Variants in RALGAPA2 observed in about 807,000 individuals in gnomAD.
RALGAPA2 encodes the protein Ral GTPase activating protein catalytic subunit alpha 2.
Under a neutral mutation model 230.4 loss-of-function variants are expected in RALGAPA2, and 139 were observed. The ratio of observed to expected loss-of-function variants is 0.60; its 90% confidence interval spans 0.53 to 0.69. The LOEUF is 0.69. RALGAPA2 is among the 30% of genes least tolerant of loss of function. The pLI is 0.00. For synonymous variants in RALGAPA2, 847 were observed against 837.8 expected (o/e 1.01, Z -0.19); for missense variants, 2,163 against 2,276.0 (o/e 0.95, Z 1.01).
At chr20:20,605,946 C>G (rs977996172) in intron 14 of RALGAPA2, among the ~76,000 whole-genome samples, 2 of 152,124 alleles carry the variant, frequency 1.3e-5, no homozygotes, top group African/African-American at 4.8e-5. Context: ...AAGAGGGGCC[C>G]CGCTCTGCTA....
chr20:20,435,255 G>C (rs1260395722), intron 37 of RALGAPA2, among the ~76,000 whole-genome samples: 1 of 152,242 alleles, frequency 6.6e-6, no homozygotes, highest in Non-Finnish European at 1.5e-5. Context: ...GGAGGCATGG[G>C]AGGGACAGGC....
intron 23 of RALGAPA2, among the ~76,000 whole-genome samples, chr20:20,560,062 C>A (rs1602795121): frequency 6.6e-6 from 1 of 152,122 alleles, no homozygotes; most frequent in Admixed American, 6.5e-5. Context: ...AAGGCAGCCC[C>A]TGCCTTCCAG....
intron 1 of RALGAPA2, among the ~76,000 whole-genome samples, chr20:20,703,680 C>A (rs375842835): frequency 6.6e-6 from 1 of 152,040 alleles, no homozygotes. Flanking sequence ...ATTTTATATG[C>A]GGTTAAGTCA....
At chr20:20,535,476 A>T (rs1250354350) in intron 26 of RALGAPA2, among the ~76,000 whole-genome samples, 1 of 152,218 alleles carries the variant, frequency 6.6e-6, no homozygotes, top group Admixed American at 6.5e-5. Context: ...TGAAAATATC[A>T]GAGGATACAT....
intron 7 of RALGAPA2, among the ~76,000 whole-genome samples, chr20:20,638,191 G>T (rs1389732426): frequency 6.6e-6 from 1 of 152,212 alleles, no homozygotes; most frequent in African/African-American, 2.4e-5. Context: ...GGACAGCCTG[G>T]TTACACAAGT....
intron 3 of RALGAPA2, among the ~76,000 whole-genome samples, chr20:20,675,195 A>C (rs1441620135): frequency 6.6e-6 from 1 of 152,224 alleles, no homozygotes; most frequent in Non-Finnish European, 1.5e-5. Flanking sequence ...GTGTATCAAC[A>C]TATGTGTATC....
At chr20:20,430,952 A>G (rs1266973877) in intron 37 of RALGAPA2, among the ~76,000 whole-genome samples, 3 of 152,042 alleles carry the variant, frequency 2.0e-5, no homozygotes, top group East Asian at 3.9e-4. Context: ...GTCTCCCAGC[A>G]TACTACTGAT....
intron 28 of RALGAPA2, among the ~76,000 whole-genome samples, chr20:20,525,727 A>G (rs1274493771): frequency 6.6e-6 from 1 of 152,206 alleles, no homozygotes; most frequent in Non-Finnish European, 1.5e-5. Context: ...GGCCTTCAGG[A>G]TATGACTGTG....
At chr20:20,702,192 G>A (rs533884975) in intron 1 of RALGAPA2, among the ~76,000 whole-genome samples, 1 of 152,296 alleles carries the variant, frequency 6.6e-6, no homozygotes, top group East Asian at 1.9e-4. Flanking sequence ...CCACATGGAA[G>A]ATAAAAAGTG....
chr20:20,585,023 A>G (rs2065093008), intron 18 of RALGAPA2, 68 bp from the exon 19 acceptor site: 1 of 969,970 alleles, frequency 1.0e-6, no homozygotes, highest in Non-Finnish European at 1.5e-6. Context: ...TTAAGTTTCT[A>G]GCCCAAATTT....
At chr20:20,542,649 A>G (rs1006748249) in intron 24 of RALGAPA2, among the ~76,000 whole-genome samples, 2 of 152,210 alleles carry the variant, frequency 1.3e-5, no homozygotes, top group African/African-American at 4.8e-5. Context: ...GACAAAAACA[A>G]GCAATGGGGA....
intron 1 of RALGAPA2, among the ~76,000 whole-genome samples, chr20:20,697,008 T>A (rs1405920266): frequency 6.6e-6 from 1 of 152,180 alleles, no homozygotes; most frequent in Non-Finnish European, 1.5e-5. Flanking sequence ...AGTACTAGGA[T>A]TACAGGCATG....
At chr20:20,632,221 G>A (rs537897895) in intron 9 of RALGAPA2, among the ~76,000 whole-genome samples, 4 of 151,686 alleles carry the variant, frequency 2.6e-5, no homozygotes, top group Non-Finnish European at 4.4e-5. Flanking sequence ...CAGTACAGAC[G>A]GGGTTTCACC....
intron 37 of RALGAPA2, among the ~76,000 whole-genome samples, chr20:20,451,534 C>G (rs1318171824): frequency 6.6e-6 from 1 of 152,180 alleles, no homozygotes; most frequent in Non-Finnish European, 1.5e-5. Context: ...TAGAAACTGC[C>G]TAATCATTTC....
intron 35 of RALGAPA2, among the ~76,000 whole-genome samples, chr20:20,496,721 T>C (rs1367308510): frequency 6.6e-6 from 1 of 152,226 alleles, no homozygotes; most frequent in Non-Finnish European, 1.5e-5. Context: ...AAATACAGTT[T>C]TCTTTAGACT....
intron 16 of RALGAPA2, among the ~76,000 whole-genome samples, chr20:20,592,754 T>G (rs527278691): frequency 6.6e-6 from 1 of 152,290 alleles, no homozygotes; most frequent in African/African-American, 2.4e-5. Flanking sequence ...TAAGGCAAAC[T>G]GATGGCTCAC....
intron 16 of RALGAPA2, among the ~76,000 whole-genome samples, chr20:20,593,507 G>C (rs189258628): frequency 1.5e-3 from 225 of 152,350 alleles, no homozygotes; most frequent in Non-Finnish European, 2.8e-3. Flanking sequence ...CCTTCCGGCT[G>C]TCTTCTCTAA....
chr20:20,596,793 G>A (rs746210445), intron 16 of RALGAPA2, among the ~76,000 whole-genome samples: 2 of 152,186 alleles, frequency 1.3e-5, no homozygotes, highest in African/African-American at 4.8e-5. Flanking sequence ...TCTCAGCCTC[G>A]GCACAGCTGG....
At chr20:20,426,300 T>C (rs1431605817) in intron 37 of RALGAPA2, among the ~76,000 whole-genome samples, 1 of 152,248 alleles carries the variant, frequency 6.6e-6, no homozygotes, top group Non-Finnish European at 1.5e-5. Flanking sequence ...AGATTGGTCA[T>C]GAAAATTCCC....
Sources: gnomAD v4.1 joint callset for allele counts (sites outside exome capture counted in the v4.1 genomes callset) on GRCh38, gnomAD v4.1.1 for gene constraint, MANE v1.5 for transcripts, NCBI Gene and HGNC (gene_info 2026-07-23, HGNC 2026-07-21) for gene names.